The following SYT1 variants were observed in gnomAD, a reference collection of about 807,000 sequenced individuals.
The protein encoded by SYT1 is synaptotagmin 1.
Under a neutral mutation model 44.8 loss-of-function variants are expected in SYT1, and 8 were observed. That is an observed-to-expected ratio of 0.18 (90% CI 0.10 to 0.32). SYT1 has a LOEUF of 0.32. Ranked by LOEUF, SYT1 falls within the 10% of genes least tolerant of loss-of-function variation. The pLI is 1.00. For missense variants in SYT1, 286 were observed against 509.3 expected, an observed-to-expected ratio of 0.56 and a Z score of 4.22; for synonymous variants, 154 against 188.8, an observed-to-expected ratio of 0.82 and a Z score of 1.51.
chr12:78,931,327 GGGAGGGAGGGAAGGAAGGAA>G (rs1877707612), intron 1 of SYT1, among the ~76,000 whole-genome samples: 1 of 23,330 alleles, frequency 4.3e-5, no homozygotes, highest in African/African-American at 2.8e-4. Context: ...GAGGGAGGGA[GGGAGGGAGGGAAGGAAGGAA>G]GGAAGGAAGG....
intron 2 of SYT1, among the ~76,000 whole-genome samples, chr12:79,044,193 G>T: frequency 6.6e-6 from 1 of 152,186 alleles, no homozygotes; most frequent in South Asian, 2.1e-4. Flanking sequence ...GATTGGGGAA[G>T]TTCTCCTGGA....
chr12:79,414,390 G>A (rs1370121403), intron 9 of SYT1, among the ~76,000 whole-genome samples: 1 of 152,028 alleles, frequency 6.6e-6, no homozygotes, highest in African/African-American at 2.4e-5. Flanking sequence ...GGCAGGTGGG[G>A]ACACATTAGA....
chr12:79,060,977 C>A (rs1875339070), intron 3 of SYT1, among the ~76,000 whole-genome samples: 1 of 151,970 alleles, frequency 6.6e-6, no homozygotes, highest in Non-Finnish European at 1.5e-5. Flanking sequence ...ATTAGCCTGT[C>A]TTCATTTGAT....
In SYT1 at chr12:79,182,881, C is replaced by G. The variant is rs1468537931; in HGVS notation, c.-17-34622C>G. Among the ~76,000 whole-genome samples, 11 of 152,060 alleles carry G rather than the reference C, an allele frequency of 7.2e-5. No individual in the cohort carries two copies. The East Asian group carries it at 2.1e-3, about 30-fold the overall frequency. ...GTTCTGTTTCCCCATTTTTAAAGGC[C>G]TAACAATTTTAAAAAGTTAAATATT... On this transcript the variant is annotated intron_variant, in intron 3 of 10. Coordinates refer to ENST00000261205, the MANE Select transcript of SYT1 (RefSeq NM_005639.3).
chr12:79,226,568 T>G (rs1875533304), intron 4 of SYT1, among the ~76,000 whole-genome samples: 1 of 152,256 alleles, frequency 6.6e-6, no homozygotes, highest in Middle Eastern at 3.4e-3. Context: ...TAAAAAATAT[T>G]ATGTTGCTAG....
chr12:79,233,782 C>T (rs1417824719), intron 4 of SYT1, among the ~76,000 whole-genome samples: 1 of 152,230 alleles, frequency 6.6e-6, no homozygotes, highest in Non-Finnish European at 1.5e-5. Flanking sequence ...ACGTGAAAGG[C>T]AAGGTACTTC....
intron 10 of SYT1, among the ~76,000 whole-genome samples, 196 bp downstream of exon 10, chr12:79,444,402 C>T (rs1270332803): frequency 6.6e-6 from 1 of 152,066 alleles, no homozygotes; most frequent in Non-Finnish European, 1.5e-5. Flanking sequence ...GACTCATCAG[C>T]CCAAAACAGC....
intron 4 of SYT1, among the ~76,000 whole-genome samples, chr12:79,246,780 C>A (rs1592894201): frequency 6.6e-6 from 1 of 152,204 alleles, no homozygotes; most frequent in Non-Finnish European, 1.5e-5. Flanking sequence ...CACATTCAGA[C>A]AATAATGGCC....
At chr12:79,154,429 G>A (rs1425081728) in intron 3 of SYT1, among the ~76,000 whole-genome samples, 1 of 151,302 alleles carries the variant, frequency 6.6e-6, no homozygotes, top group East Asian at 1.9e-4. Context: ...AATAAATGAG[G>A]GATCTGAGGG....
At chr12:79,041,800 T>A (rs1873600937) in intron 2 of SYT1, among the ~76,000 whole-genome samples, 1 of 151,754 alleles carries the variant, frequency 6.6e-6, no homozygotes, top group Non-Finnish European at 1.5e-5. Context: ...ATACGTCCCA[T>A]CAATACCTAA....
intron 9 of SYT1, among the ~76,000 whole-genome samples, chr12:79,418,878 G>A (rs1287545636): frequency 6.6e-6 from 1 of 152,094 alleles, no homozygotes; most frequent in East Asian, 1.9e-4. Context: ...CCTGGGAAGT[G>A]ATATTTGTAA....
intron 8 of SYT1, among the ~76,000 whole-genome samples, chr12:79,322,867 C>T (rs934353230): frequency 9.2e-5 from 14 of 152,106 alleles, no homozygotes; most frequent in African/African-American, 3.4e-4. Context: ...AAAGTAAACC[C>T]AGTAAGACCC....
At chr12:79,342,910 T>C (rs1467724339) in intron 8 of SYT1, among the ~76,000 whole-genome samples, 1 of 152,158 alleles carries the variant, frequency 6.6e-6, no homozygotes, top group East Asian at 1.9e-4. Flanking sequence ...TTAGAGAAAA[T>C]ATCTAAACTA....
At chr12:78,999,065 A>G (rs1870558940) in intron 2 of SYT1, among the ~76,000 whole-genome samples, 1 of 152,180 alleles carries the variant, frequency 6.6e-6, no homozygotes, top group Non-Finnish European at 1.5e-5. Context: ...GTCACAGAAC[A>G]TGGCTTATTT....
chr12:79,318,519 A>C (rs963814157), intron 8 of SYT1, among the ~76,000 whole-genome samples: 13 of 152,242 alleles, frequency 8.5e-5, no homozygotes, highest in Non-Finnish European at 1.2e-4. Context: ...AGAAACATTT[A>C]TGAGTGAAGC....
At chr12:78,914,974 A>C (rs1045952940) in intron 1 of SYT1, among the ~76,000 whole-genome samples, 1 of 152,026 alleles carries the variant, frequency 6.6e-6, no homozygotes, top group Non-Finnish European at 1.5e-5. Context: ...ACAGGTGGTG[A>C]AAGTGGGCAT....
At chr12:79,436,597 A>G (rs989833146) in intron 9 of SYT1, among the ~76,000 whole-genome samples, 2 of 152,232 alleles carry the variant, frequency 1.3e-5, no homozygotes, top group African/African-American at 2.4e-5. Flanking sequence ...TGGCTCCCTT[A>G]TATCTCACAC....
At chr12:79,020,553 C>A (rs1872123709) in intron 2 of SYT1, among the ~76,000 whole-genome samples, 1 of 151,942 alleles carries the variant, frequency 6.6e-6, no homozygotes, top group South Asian at 2.1e-4. Context: ...TGTGCTGAAA[C>A]TTAGAGAAGT....
At chr12:79,012,950 T>C (rs949044273) in intron 2 of SYT1, among the ~76,000 whole-genome samples, 2 of 152,062 alleles carry the variant, frequency 1.3e-5, no homozygotes, top group African/African-American at 2.4e-5. Context: ...AACTGTGCCA[T>C]GCTCCTTTCT....
Sources: gnomAD v4.1 joint callset for allele counts (sites outside exome capture counted in the v4.1 genomes callset) on GRCh38, gnomAD v4.1.1 for gene constraint, MANE v1.5 for transcripts, NCBI Gene and HGNC (gene_info 2026-07-23, HGNC 2026-07-21) for gene names.